CCNY: variants seen among roughly 807,000 people sequenced by gnomAD.
CCNY encodes the protein cyclin-Y.
Under a neutral mutation model 42.8 loss-of-function variants are expected in CCNY, and 19 were observed. That is an observed-to-expected ratio of 0.44 (90% confidence interval 0.31 to 0.65). CCNY has a LOEUF of 0.65. CCNY is among the 30% of genes least tolerant of loss of function. The probability of loss-of-function intolerance (pLI) is 0.07; values close to 1 mark genes in which losing one functional copy is unlikely to be tolerated. For synonymous variants in CCNY, 165 were observed against 162.7 expected, an observed-to-expected ratio of 1.01 and a Z score of -0.11; for missense variants, 370 against 437.3, an observed-to-expected ratio of 0.85 and a Z score of 1.37.
At position 35,369,593 on chromosome 10, in the gene CCNY, TC is replaced by T. The variant is rs577398399; in HGVS notation, c.154+32389del. On this transcript the variant is annotated intron_variant, in intron 1 of 9. Coordinates refer to ENST00000374704, the MANE Select transcript of CCNY (RefSeq NM_145012.6). ...GAGAAAACTACTCTATTGAGGCTCT[TC>T]CCTATTTAAGTTTATCTTGCCTGAG... is the stretch of plus-strand genomic sequence containing the variant. Among the ~76,000 whole-genome samples, 22 of 152,350 alleles carry T rather than the reference TC, an allele frequency of 1.4e-4. No homozygotes were observed. The East Asian group carries it at 3.9e-3, about 27-fold the overall frequency.
intron 1 of CCNY, among the ~76,000 whole-genome samples, chr10:35,444,249 C>CTTTTTTTTTTTT (rs1323493317): frequency 1.5e-5 from 2 of 136,566 alleles, no homozygotes; most frequent in African/African-American, 5.4e-5. Context: ...TGTTTTTTGG[C>CTTTTTTTTTTTT]TTTTTTTTTT....
Position 35,569,409 on chromosome 10 carries a change from G to C in CCNY, c.*239G>C, listed in dbSNP as rs1841641280. On this transcript the variant is annotated 3_prime_UTR_variant, in exon 10 of 10. Transcript: ENST00000374704. ...CAGCACTTCCTTCGTGGAGGAAGTG[G>C]ACTCGAATCCTGGAGGAGGAAATAA... is the stretch of plus-strand genomic sequence containing the variant. 3.7e-6 allele frequency: 2 copies of C among 535,526 alleles called. No individual in the cohort carries two copies. The highest frequency in any genetic ancestry group is 6.7e-6 in the Non-Finnish European group (2 of 297,506). The allele number at this position is 535,526 out of a possible 1,614,324, so 33.2% of individuals were successfully genotyped here.
intron 3 of CCNY, among the ~76,000 whole-genome samples, chr10:35,507,066 T>A (rs1427628971): frequency 6.6e-6 from 1 of 152,190 alleles, no homozygotes; most frequent in East Asian, 1.9e-4. Flanking sequence ...GTCACTTCAT[T>A]GCTCTCCTAA....
At chr10:35,522,617 T>G (rs1840571796) in intron 4 of CCNY, among the ~76,000 whole-genome samples, 1 of 152,052 alleles carries the variant, frequency 6.6e-6, no homozygotes, top group Non-Finnish European at 1.5e-5. Context: ...CAGCAGCTAC[T>G]CCAAAACTAA....
intron 1 of CCNY, among the ~76,000 whole-genome samples, chr10:35,473,165 T>A (rs906834025): frequency 6.6e-6 from 1 of 152,238 alleles, no homozygotes; most frequent in African/African-American, 2.4e-5. Flanking sequence ...ATGTACTTCA[T>A]CTTGACTCCC....
chr10:35,432,596 G>A (rs1192694999), intron 1 of CCNY, among the ~76,000 whole-genome samples: 1 of 152,190 alleles, frequency 6.6e-6, no homozygotes, highest in Non-Finnish European at 1.5e-5. Context: ...GTTGGGTAGA[G>A]CATATATATC....
At chr10:35,568,957 G>A in intron 9 of CCNY, 97 bp from the exon 10 acceptor site, 1 of 778,494 alleles carries the variant, frequency 1.3e-6, no homozygotes. Context: ...CAGGGGCTCT[G>A]CCTGTCCCTC....
chr10:35,261,958 T>C (rs2095720040), intron 3 of CCNY, among the ~76,000 whole-genome samples: 3 of 147,270 alleles, frequency 2.0e-5, no homozygotes. Flanking sequence ...GAGGTGGAGG[T>C]TGCAGTGAGC....
intron 4 of CCNY, among the ~76,000 whole-genome samples, chr10:35,523,224 T>C (rs994153649): frequency 1.2e-4 from 18 of 152,144 alleles, no homozygotes; most frequent in Non-Finnish European, 1.6e-4. Flanking sequence ...CTGCAAGCAG[T>C]TGAAATATTG....
intron 3 of CCNY, among the ~76,000 whole-genome samples, chr10:35,284,017 G>C (rs1033513343): frequency 6.6e-6 from 1 of 152,140 alleles, no homozygotes; most frequent in Admixed American, 6.6e-5. Context: ...CCGGGAGATG[G>C]GGGCTGCAGT....
At chr10:35,534,962 C>A (rs1464630649) in intron 7 of CCNY, among the ~76,000 whole-genome samples, 1 of 143,334 alleles carries the variant, frequency 7.0e-6, no homozygotes, top group Non-Finnish European at 1.5e-5. Flanking sequence ...CATACACACA[C>A]ACACACACAC....
At chr10:35,567,538 T>C (rs945681545) in intron 9 of CCNY, among the ~76,000 whole-genome samples, 1 of 152,190 alleles carries the variant, frequency 6.6e-6, no homozygotes, top group African/African-American at 2.4e-5. Flanking sequence ...GGCACTGTCA[T>C]GTCCCCAGCT....
chr10:35,546,562 T>C (rs1275624750), intron 7 of CCNY, among the ~76,000 whole-genome samples: 1 of 152,260 alleles, frequency 6.6e-6, no homozygotes, highest in Admixed American at 6.5e-5. Context: ...GGGAGTTTAC[T>C]AAAGAAGTTG....
intron 3 of CCNY, among the ~76,000 whole-genome samples, chr10:35,274,638 A>G (rs1835216291): frequency 6.6e-6 from 1 of 152,206 alleles, no homozygotes; most frequent in African/African-American, 2.4e-5. Flanking sequence ...ATTCTGTGGA[A>G]TGTCCAGATG....
chr10:35,491,961 A>G (rs554209899), intron 2 of CCNY, among the ~76,000 whole-genome samples: 12 of 152,218 alleles, frequency 7.9e-5, no homozygotes, highest in African/African-American at 2.9e-4. Context: ...CTGGGTCTTA[A>G]TGGGCACCCC....
In CCNY at chr10:35,569,084, A is replaced by C. The variant is rs761914460; in HGVS notation, c.940A>C (p.Lys314Gln). 6.2e-7 allele frequency: 1 copy of C among 1,613,202 alleles called. No individual in the cohort carries two copies. Among genetic ancestry groups the C allele is most frequent in the South Asian group, 1.1e-5 (1 of 91,080 alleles). ...AISRLCEDKY[K>Q]DLRRSARKRS... Reference sequence around the variant, plus strand: ...CTCTCGCCTCTGCGAGGACAAGTACAAGGACCTAAGAAGATCCGCGAGGAA... The same window carrying C: ...CTCTCGCCTCTGCGAGGACAAGTACCAGGACCTAAGAAGATCCGCGAGGAA... Residue 314 changes from lysine to glutamine, a missense_variant, in exon 10 of 10, where the codon AAG becomes CAG. By Grantham distance (53) the Lys-to-Gln change is moderately conservative. This residue lies in a region of CCNY where 234 missense variants were observed against 313.1 expected (regional missense o/e 0.75). Coordinates refer to ENST00000374704, the MANE Select transcript of CCNY (RefSeq NM_145012.6).
Position 35,457,397 on chromosome 10 carries a change from C to T in CCNY, c.155-26007C>T, listed in dbSNP as rs114523458. ...GGTCTCTCTCGTGTGTACACCTGCC[C>T]GTCCTTTCTTGCTGGATGGGCAGAA... On this transcript the variant is annotated intron_variant, in intron 1 of 9. Coordinates refer to ENST00000374704, the MANE Select transcript of CCNY (RefSeq NM_145012.6). Among the ~76,000 whole-genome samples the T allele has an allele frequency of 6.8e-3, 1,040 of 152,254 alleles. 11 individuals are homozygous for T. Among genetic ancestry groups the T allele is most frequent in the African/African-American group, 0.024 (992 of 41,540 alleles).
intron 3 of CCNY, among the ~76,000 whole-genome samples, chr10:35,279,275 C>T (rs936188115): frequency 6.6e-6 from 1 of 151,970 alleles, no homozygotes; most frequent in South Asian, 2.1e-4. Flanking sequence ...ACCACCACGC[C>T]CAGCTAGTTT....
rs140999431 is a variant in CCNY at position 35,517,736 on chromosome 10, G to A, written c.365+1113G>A. Among the ~76,000 whole-genome samples, 7 of 152,316 alleles carry A rather than the reference G, an allele frequency of 4.6e-5. No individual in the cohort carries two copies. In the East Asian group the frequency reaches 9.7e-4, roughly 21 times the overall value. On this transcript the variant is annotated intron_variant, in intron 4 of 9. Transcript: ENST00000374704. Reference sequence around the variant, plus strand: ...TTCCTTACTTCCTCAGCACCGGAGTGCACGGGAAGTGACTAGTGGGCATAA... The same window carrying A: ...TTCCTTACTTCCTCAGCACCGGAGTACACGGGAAGTGACTAGTGGGCATAA...
Sources: gnomAD v4.1 joint callset for allele counts (sites outside exome capture counted in the v4.1 genomes callset) on GRCh38, gnomAD v4.1.1 for gene constraint, gnomAD v4.1.1 regional missense constraint, MANE v1.5 for transcripts, NCBI Gene and HGNC (gene_info 2026-07-23, HGNC 2026-07-21) for gene names.